PDZRN3: variants seen among roughly 807,000 people sequenced by gnomAD.
The protein encoded by PDZRN3 is E3 ubiquitin-protein ligase PDZRN3.
Under a neutral mutation model 85.7 loss-of-function variants are expected in PDZRN3, and 38 were observed. That is an observed-to-expected ratio of 0.44 (90% CI 0.34 to 0.58). The LOEUF is 0.58. PDZRN3 is among the 20% of genes least tolerant of loss of function. The pLI is 0.01. For synonymous variants in PDZRN3, 759 were observed against 638.0 expected, an observed-to-expected ratio of 1.19 and a Z score of -2.86; for missense variants, 1,629 against 1,506.4, an observed-to-expected ratio of 1.08 and a Z score of -1.35.
At chr3:73,474,284 C>T (rs1228837077) in intron 3 of PDZRN3, among the ~76,000 whole-genome samples, 3 of 152,144 alleles carry the variant, frequency 2.0e-5, no homozygotes, top group Non-Finnish European at 4.4e-5. Context: ...TGGGAAAATT[C>T]CCAGTGCTTG....
At chr3:73,397,748 C>T (rs191376983) in intron 5 of PDZRN3, among the ~76,000 whole-genome samples, 35 of 152,302 alleles carry the variant, frequency 2.3e-4, no homozygotes, top group African/African-American at 7.7e-4. Flanking sequence ...CCAAAACTGC[C>T]AGGTTCACTT....
chr3:73,606,141 A>C (rs1181277135), intron 2 of PDZRN3, among the ~76,000 whole-genome samples: 1 of 152,154 alleles, frequency 6.6e-6, no homozygotes, highest in Admixed American at 6.5e-5. Flanking sequence ...TGTGGTTTAG[A>C]CCTGGGGCAG....
At chr3:73,471,340 C>A (rs1703336733) in intron 3 of PDZRN3, among the ~76,000 whole-genome samples, 1 of 152,118 alleles carries the variant, frequency 6.6e-6, no homozygotes, top group Non-Finnish European at 1.5e-5. Flanking sequence ...CCTGAAAACA[C>A]CCTGATTTTG....
intron 3 of PDZRN3, among the ~76,000 whole-genome samples, chr3:73,412,716 A>G (rs1318351994): frequency 6.6e-6 from 1 of 152,226 alleles, no homozygotes; most frequent in Non-Finnish European, 1.5e-5. Context: ...AGCAGGACCT[A>G]ACTCACAGAG....
chr3:73,489,402 C>G (rs994241634), intron 3 of PDZRN3, among the ~76,000 whole-genome samples: 10 of 152,024 alleles, frequency 6.6e-5, no homozygotes, highest in African/African-American at 2.4e-4. Flanking sequence ...TCCTTAGCAT[C>G]CAGTACAGAG....
At chr3:73,536,165 T>C (rs1327309999) in intron 3 of PDZRN3, among the ~76,000 whole-genome samples, 1 of 152,244 alleles carries the variant, frequency 6.6e-6, no homozygotes, top group African/African-American at 2.4e-5. Context: ...CCATTTCTAA[T>C]AGGTCTTGGC....
chr3:73,569,905 C>A (rs983146628), intron 3 of PDZRN3, among the ~76,000 whole-genome samples: 3 of 152,178 alleles, frequency 2.0e-5, no homozygotes, highest in Non-Finnish European at 2.9e-5. Context: ...GTCCTGCTTG[C>A]CCCCTCACAG....
intron 4 of PDZRN3, among the ~76,000 whole-genome samples, chr3:73,403,037 G>A (rs1463663800): frequency 2.7e-5 from 4 of 148,198 alleles, no homozygotes; most frequent in East Asian, 2.0e-4. Flanking sequence ...TCCGCCTCCC[G>A]GGTTCACGCC....
Position 73,491,592 on chromosome 3 carries a change from C to CTTTTTTTTTTTT in PDZRN3, c.919-87198_919-87197insAAAAAAAAAAAA, listed in dbSNP as rs367581488. Among the ~76,000 whole-genome samples the CTTTTTTTTTTTT allele has an allele frequency of 7.7e-4, 91 of 117,528 alleles. 10 individuals are homozygous for CTTTTTTTTTTTT. Among genetic ancestry groups the CTTTTTTTTTTTT allele is most frequent in the Middle Eastern group, 4.7e-3 (1 of 214 alleles). The allele number at this position is 117,528 out of a possible 152,430, so 77.1% of individuals were successfully genotyped here. On this transcript the variant is annotated intron_variant, in intron 3 of 9. Coordinates refer to ENST00000263666, the MANE Select transcript of PDZRN3 (RefSeq NM_015009.3). ...AAAGAAAAACCTTGTGTGGAAGGTTCCTTTTTTTTTTTTAAGAAGCAGGGT... is the reference window on the plus strand; with the variant it reads ...AAAGAAAAACCTTGTGTGGAAGGTTCTTTTTTTTTTTTCTTTTTTTTTTTTAAGAAGCAGGGT...
chr3:73,561,844 G>A (rs547792119), intron 3 of PDZRN3, among the ~76,000 whole-genome samples: 3 of 150,804 alleles, frequency 2.0e-5, no homozygotes, highest in East Asian at 1.9e-4. Flanking sequence ...CTCTTTCCTC[G>A]ATTTTTACTG....
intron 6 of PDZRN3, 101 bp downstream of exon 6, chr3:73,390,917 C>G: frequency 2.7e-6 from 2 of 730,138 alleles, no homozygotes; most frequent in Admixed American, 2.1e-5. Context: ...TGTGTCTTTC[C>G]AAAGAGATCT....
At position 73,385,660 on chromosome 3, in the gene PDZRN3, G is replaced by C; in HGVS notation, c.1635+9C>G. The C allele has an allele frequency of 6.5e-7, 1 of 1,533,350 alleles. No homozygotes were observed. Among genetic ancestry groups the C allele is most frequent in the Non-Finnish European group, 9.0e-7 (1 of 1,107,638 alleles). 95.0% of individuals were successfully genotyped at this position (1,533,350 alleles called of 1,614,324 possible). A position where few individuals can be genotyped will look rare whatever the true frequency, so the allele number is the denominator to read the frequency against. On this transcript the variant is annotated intron_variant, in intron 9 of 9. Coordinates refer to ENST00000263666, the MANE Select transcript of PDZRN3 (RefSeq NM_015009.3). ...GGCAGAGTGTCAGGGACTGGTGCGT[G>C]GGCGTTACCTGCTGCAGCACGCTAG... is the stretch of plus-strand genomic sequence containing the variant.
At chr3:73,454,282 C>T (rs1365367185) in intron 3 of PDZRN3, among the ~76,000 whole-genome samples, 1 of 152,140 alleles carries the variant, frequency 6.6e-6, no homozygotes, top group Non-Finnish European at 1.5e-5. Context: ...GCCAGAGAAC[C>T]AGAGAGTGTA....
At chr3:73,411,708 G>T (rs536741332) in intron 3 of PDZRN3, among the ~76,000 whole-genome samples, 1 of 152,286 alleles carries the variant, frequency 6.6e-6, no homozygotes, top group South Asian at 2.1e-4. Flanking sequence ...TAGCAAAAGG[G>T]CTTGAAAACG....
chr3:73,519,358 A>G (rs1575705023), intron 3 of PDZRN3, among the ~76,000 whole-genome samples: 1 of 152,236 alleles, frequency 6.6e-6, no homozygotes, highest in African/African-American at 2.4e-5. Context: ...AAATGCCAGC[A>G]CGAAGGCTAT....
chr3:73,581,102 TAAG>T (rs1174962872), intron 3 of PDZRN3, among the ~76,000 whole-genome samples: 1 of 152,240 alleles, frequency 6.6e-6, no homozygotes, highest in African/African-American at 2.4e-5. Flanking sequence ...TACTCCTACA[TAAG>T]AAGAACAGAC....
chr3:73,434,629 C>T (rs1446078956), intron 3 of PDZRN3, among the ~76,000 whole-genome samples: 3 of 152,188 alleles, frequency 2.0e-5, no homozygotes, highest in African/African-American at 7.2e-5. Context: ...CAGTCAGCTT[C>T]ATGCCATCCC....
chr3:73,491,772 T>C (rs1336938132), intron 3 of PDZRN3, among the ~76,000 whole-genome samples: 1 of 150,312 alleles, frequency 6.7e-6, no homozygotes, highest in Admixed American at 6.6e-5. Flanking sequence ...ATATTTAACT[T>C]ATTTTTTATA....
intron 8 of PDZRN3, among the ~76,000 whole-genome samples, chr3:73,387,089 C>T (rs1341504297): frequency 2.6e-5 from 4 of 152,230 alleles, no homozygotes; most frequent in Non-Finnish European, 5.9e-5. Flanking sequence ...CATCTCTCTT[C>T]CCTGCTGCCA....
Sources: allele counts gnomAD v4.1 joint callset (sites outside exome capture counted in the v4.1 genomes callset), GRCh38; gene constraint gnomAD v4.1.1; transcripts MANE v1.5; gene names NCBI Gene and HGNC (gene_info 2026-07-23, HGNC 2026-07-21).